Variants in ILKAP observed in about 807,000 individuals in gnomAD.
The protein encoded by ILKAP is ILK associated serine/threonine phosphatase.
ILKAP carries 11 observed loss-of-function variants against 49.1 expected under a neutral mutation model. The observed-to-expected ratio is 0.22, with a 90% CI of 0.14 to 0.37. The LOEUF is 0.37. Ranked by LOEUF, ILKAP falls within the 10% of genes least tolerant of loss-of-function variation. The pLI, the probability that ILKAP is intolerant of heterozygous loss-of-function variation, is 1.00. For missense variants in ILKAP, 363 were observed against 510.8 expected, an observed-to-expected ratio of 0.71 and a Z score of 2.79; for synonymous variants, 186 against 192.8, an observed-to-expected ratio of 0.96 and a Z score of 0.29.
At chr2:238,203,449 A>T in intron 1 of ILKAP, 50 bp downstream of exon 1, 2 of 1,129,768 alleles carry the variant, frequency 1.8e-6, no homozygotes, top group South Asian at 2.3e-5. Context: ...GGCCGCCCCC[A>T]TCCCGCCTGC....
Position 238,203,511 on chromosome 2 carries a change from G to A in ILKAP, c.43C>T (p.Arg15Cys). 2.4e-6 allele frequency: 3 copies of A among 1,250,304 alleles called. No individual in the cohort carries two copies. Among genetic ancestry groups the A allele is most frequent in the Non-Finnish European group, 3.0e-6 (3 of 987,128 alleles). The allele number at this position is 1,250,304 out of a possible 1,614,324, so 77.5% of individuals were successfully genotyped here. Reference sequence around the variant, plus strand: ...CAACGCCGCTTACCGGCAGCCGGGCGCGGCGAGCGCTCGGGCTCCGGCAGG... The same window carrying A: ...CAACGCCGCTTACCGGCAGCCGGGCACGGCGAGCGCTCGGGCTCCGGCAGG... ...GDLPEPERSPRPAAGKEAQKG... is the reference protein window; with the variant it reads ...GDLPEPERSPCPAAGKEAQKG... The change falls in exon 1 of 12, where the codon CGC becomes TGC. Residue 15 changes from arginine to cysteine, a missense_variant. This residue lies in a region of ILKAP where 114 missense variants were observed against 116.0 expected (regional missense o/e 0.98). Coordinates refer to ENST00000254654, the MANE Select transcript of ILKAP (RefSeq NM_030768.3).
At chr2:238,202,415 C>G (rs1358935862) in intron 1 of ILKAP, among the ~76,000 whole-genome samples, 1 of 152,120 alleles carries the variant, frequency 6.6e-6, no homozygotes, top group Non-Finnish European at 1.5e-5. Flanking sequence ...TAGTACCCTT[C>G]AGAAAGCAGC....
At chr2:238,172,598 C>T (rs1022440827) in intron 10 of ILKAP, among the ~76,000 whole-genome samples, 48 of 152,152 alleles carry the variant, frequency 3.2e-4, no homozygotes, top group Non-Finnish European at 6.6e-4. Context: ...GATGGAGGAC[C>T]CCGCGGTACG....
intron 10 of ILKAP, among the ~76,000 whole-genome samples, chr2:238,173,109 C>T (rs1470916886): frequency 6.6e-6 from 1 of 152,178 alleles, no homozygotes; most frequent in Admixed American, 6.5e-5. Flanking sequence ...GGGCTGAGGG[C>T]CGGCCCTTCA....
chr2:238,176,542 G>C (rs1693466232), intron 9 of ILKAP, among the ~76,000 whole-genome samples: 1 of 152,218 alleles, frequency 6.6e-6, no homozygotes, highest in South Asian at 2.1e-4. Context: ...TTTGCTTTGT[G>C]CTGCTTTATT....
chr2:238,195,453 CAGAT>C (rs1382217038), intron 1 of ILKAP, among the ~76,000 whole-genome samples: 3 of 152,200 alleles, frequency 2.0e-5, no homozygotes, highest in South Asian at 2.1e-4. Context: ...TAACCAAAGA[CAGAT>C]AGCCTCAGGA....
intron 10 of ILKAP, 135 bp from the exon 11 acceptor site, chr2:238,171,159 T>TC: frequency 1.7e-6 from 1 of 599,594 alleles, no homozygotes; most frequent in East Asian, 3.2e-5. Flanking sequence ...TTTTCTTTTT[T>TC]CTTTTTTTTT....
At chr2:238,185,498 T>TA (rs1196024556) in intron 5 of ILKAP, 64 of 483,666 alleles carry the variant, frequency 1.3e-4, no homozygotes, top group Middle Eastern at 1.1e-3. Context: ...TTATCTTTTT[T>TA]TAAAAAAAAA....
intron 10 of ILKAP, among the ~76,000 whole-genome samples, chr2:238,173,245 A>T (rs1289184647): frequency 6.6e-6 from 1 of 152,046 alleles, no homozygotes; most frequent in African/African-American, 2.4e-5. Context: ...TCTGCCAGGA[A>T]GCCCCTTCTC....
At chr2:238,192,014 C>G (rs1425645500) in intron 3 of ILKAP, among the ~76,000 whole-genome samples, 2 of 150,566 alleles carry the variant, frequency 1.3e-5, no homozygotes, top group Non-Finnish European at 3.0e-5. Flanking sequence ...AGATTGAGAC[C>G]ATCCTGGCCA....
chr2:238,198,141 A>G (rs1694420818), intron 1 of ILKAP, among the ~76,000 whole-genome samples: 2 of 152,224 alleles, frequency 1.3e-5, no homozygotes, highest in South Asian at 4.1e-4. Flanking sequence ...TGCATCATCA[A>G]AAGAATCTAA....
At chr2:238,171,931 T>A (rs186991042) in intron 10 of ILKAP, among the ~76,000 whole-genome samples, 2 of 152,338 alleles carry the variant, frequency 1.3e-5, no homozygotes, top group East Asian at 3.9e-4. Context: ...GTTCTAGTTT[T>A]CCTGGCATTG....
chr2:238,197,211 G>A (rs1209133250), intron 1 of ILKAP, among the ~76,000 whole-genome samples: 1 of 152,128 alleles, frequency 6.6e-6, no homozygotes, highest in African/African-American at 2.4e-5. Context: ...CCCAAAAAAA[G>A]TATTTAGGAT....
At chr2:238,202,944 G>A (rs925323711) in intron 1 of ILKAP, among the ~76,000 whole-genome samples, 4 of 151,862 alleles carry the variant, frequency 2.6e-5, no homozygotes, top group Non-Finnish European at 4.4e-5. Context: ...GACAGAGGAG[G>A]CATCCTGTCT....
chr2:238,203,010 A>G (rs1221447587), intron 1 of ILKAP, among the ~76,000 whole-genome samples: 2 of 152,092 alleles, frequency 1.3e-5, no homozygotes, highest in Non-Finnish European at 2.9e-5. Flanking sequence ...TCTCCAGTGC[A>G]AATAAAAACG....
intron 9 of ILKAP, among the ~76,000 whole-genome samples, chr2:238,179,654 T>C (rs1041636675): frequency 6.6e-6 from 1 of 152,174 alleles, no homozygotes; most frequent in Non-Finnish European, 1.5e-5. Flanking sequence ...TGCTGGGATT[T>C]GGCAACTTAA....
intron 7 of ILKAP, 72 bp from the exon 8 acceptor site, chr2:238,183,812 A>G (rs1693791727): frequency 4.4e-6 from 5 of 1,140,248 alleles, no homozygotes; most frequent in Non-Finnish European, 5.2e-6. Flanking sequence ...TCCAGAGCTC[A>G]ATGGGAAGTA....
chr2:238,202,754 C>A (rs148362181), intron 1 of ILKAP, among the ~76,000 whole-genome samples: 3 of 152,252 alleles, frequency 2.0e-5, no homozygotes, highest in East Asian at 3.9e-4. Flanking sequence ...GGGATTAACA[C>A]AGGCCCTGTT....
chr2:238,203,611 C>A lies in ILKAP; in HGVS notation c.-58G>T. 1 of 1,046,024 alleles carries A rather than the reference C, an allele frequency of 9.6e-7. No individual in the cohort carries two copies. Among genetic ancestry groups the A allele is most frequent in the East Asian group, 4.4e-5 (1 of 22,528 alleles). 64.8% of individuals were successfully genotyped at this position (1,046,024 alleles called of 1,614,324 possible). On this transcript the variant is annotated 5_prime_UTR_variant, in exon 1 of 12. Coordinates refer to ENST00000254654, the MANE Select transcript of ILKAP (RefSeq NM_030768.3). The stretch of plus-strand genomic sequence containing the variant: ...AGACACTCAGCCCGCGAGCAGCGGC[C>A]GGGCTCCACACCCCGGGCGGGCGGC...
Sources: gnomAD v4.1 joint callset for allele counts (sites outside exome capture counted in the v4.1 genomes callset) on GRCh38, gnomAD v4.1.1 for gene constraint, gnomAD v4.1.1 regional missense constraint, MANE v1.5 for transcripts, NCBI Gene and HGNC (gene_info 2026-07-23, HGNC 2026-07-21) for gene names.